The following PHYH variants were observed in gnomAD, a reference collection of about 807,000 sequenced individuals.
PHYH encodes the protein phytanoyl-CoA dioxygenase, peroxisomal.
PHYH carries 32 observed loss-of-function variants against 38.5 expected under a neutral mutation model. The observed-to-expected ratio is 0.83, with a 90% CI of 0.63 to 1.12. The LOEUF is 1.12. Among genes scored for constraint, PHYH ranks in the 50% most tolerant of loss-of-function variants. The pLI is 0.00. For missense variants in PHYH, 426 were observed against 434.8 expected, an observed-to-expected ratio of 0.98 and a Z score of 0.18; for synonymous variants, 166 against 157.9, an observed-to-expected ratio of 1.05 and a Z score of -0.38.
At position 13,281,107 on chromosome 10, in the gene PHYH, T is replaced by C. The variant is rs1835401481; in HGVS notation, c.832A>G (p.Ile278Val). 6.2e-7 allele frequency: 1 copy of C among 1,614,166 alleles called. No homozygotes were observed. The highest frequency in any genetic ancestry group is 1.3e-5 in the African/African-American group (1 of 75,044). Residue 278 changes from isoleucine (I) to valine (V), a missense_variant, in exon 8 of 9, where the codon ATT (isoleucine) becomes GTT (valine). Physicochemically the swap from Ile to Val is conservative, Grantham distance 29. Transcript: ENST00000263038. Reference sequence around the variant, plus strand: ...TCGGCACTGGCGAAATGGCAGGAAATTGCCTGTGCAAAGTGAACAAATTGA... The same window carrying C: ...TCGGCACTGGCGAAATGGCAGGAAACTGCCTGTGCAAAGTGAACAAATTGA... ...QNKTQGFRKAISCHFASADCH... is the reference protein window; with the variant it reads ...QNKTQGFRKAVSCHFASADCH...
chr10:13,285,483 C>T (rs574389896), intron 6 of PHYH, among the ~76,000 whole-genome samples: 84 of 152,232 alleles, frequency 5.5e-4, no homozygotes, highest in African/African-American at 1.9e-3. Context: ...TGTGTCCAGA[C>T]GAGTTAGGAG....
intron 1 of PHYH, among the ~76,000 whole-genome samples, chr10:13,298,718 C>CACCACTACTACT (rs1554785618): frequency 2.0e-3 from 184 of 93,440 alleles, no homozygotes; most frequent in African/African-American, 6.5e-3. Context: ...AAACTACCAC[C>CACCACTACTACT]ACTACTACTA....
intron 8 of PHYH, among the ~76,000 whole-genome samples, chr10:13,280,384 A>G (rs1307581005): frequency 6.6e-6 from 1 of 152,158 alleles, no homozygotes; most frequent in Non-Finnish European, 1.5e-5. Context: ...TCTGTCACCC[A>G]GGCTGGAGTG....
At chr10:13,283,937 A>AT in intron 6 of PHYH, 98 bp from the exon 7 acceptor site, 6 of 1,052,410 alleles carry the variant, frequency 5.7e-6, no homozygotes, top group Non-Finnish European at 9.0e-6. Flanking sequence ...AGGGAAAGAA[A>AT]GCATTTCTCT....
At chr10:13,297,410 G>A (rs1254957283) in intron 2 of PHYH, among the ~76,000 whole-genome samples, 2 of 150,696 alleles carry the variant, frequency 1.3e-5, no homozygotes, top group Non-Finnish European at 2.9e-5. Context: ...AACCAAAGAT[G>A]CTAGCTAATA....
At position 13,294,447 on chromosome 10, in the gene PHYH, C is replaced by T; in HGVS notation, c.395G>A (p.Arg132Lys). 1 of 1,614,148 alleles carries T rather than the reference C, an allele frequency of 6.2e-7. No individual in the cohort carries two copies. The highest frequency in any genetic ancestry group is 8.5e-7 in the Non-Finnish European group (1 of 1,180,028). The change falls in exon 4 of 9, where the codon AGA (arginine) becomes AAA (lysine). Residue 132 changes from arginine to lysine, a missense_variant. Transcript: ENST00000263038. ...QDFQEDKELF[R>K]YCTLPEILKY... is the part of the protein sequence containing the mutation. ...TCTGACCTCGGGGAGAGTGCAGTATCTGAAGAGCTCCTTATCTTCCTGGAA... is the reference window on the plus strand; with the variant it reads ...TCTGACCTCGGGGAGAGTGCAGTATTTGAAGAGCTCCTTATCTTCCTGGAA...
Position 13,288,461 on chromosome 10 carries a change from A to AGGC in PHYH, c.574_576dup (p.Ala192dup), listed in dbSNP as rs2131640741. On this transcript the variant is annotated inframe_insertion, in exon 6 of 9. Coordinates refer to ENST00000263038, the MANE Select transcript of PHYH (RefSeq NM_006214.4). ...CGGCTGATGTGCTCCATCGCCGTCC[A>AGGC]GGCGCAAACGATGAGATCGCTGGGC... 1 of 1,614,240 alleles carries AGGC rather than the reference A, an allele frequency of 6.2e-7. No individual in the cohort carries two copies. Among genetic ancestry groups the AGGC allele is most frequent in the Non-Finnish European group, 8.5e-7 (1 of 1,180,044 alleles).
At chr10:13,298,886 A>C (rs969841478) in intron 1 of PHYH, among the ~76,000 whole-genome samples, 1 of 146,420 alleles carries the variant, frequency 6.8e-6, no homozygotes, top group South Asian at 2.2e-4. Flanking sequence ...GCGGCACTGC[A>C]CTCCAGCCTG....
At chr10:13,298,999 G>T (rs1445400392) in intron 1 of PHYH, among the ~76,000 whole-genome samples, 1 of 149,170 alleles carries the variant, frequency 6.7e-6, no homozygotes, top group African/African-American at 2.5e-5. Flanking sequence ...AATTCGCCTG[G>T]CATCGTGGCG....
chr10:13,284,322 G>A lies in PHYH; in HGVS notation c.679-483C>T, dbSNP rs900946308. 1.3e-4 allele frequency among the ~76,000 whole-genome samples: 19 copies of A among 151,932 alleles called. 1 individual carries two copies. The South Asian group carries it at 2.3e-3, about 18-fold the overall frequency. ...GGACAACAGAGCAAGACTCTGTCTC[G>A]AAAAATAATGGTAATAAAAAAAAAG... On this transcript the variant is annotated intron_variant, in intron 6 of 8. Transcript: ENST00000263038.
intron 1 of PHYH, among the ~76,000 whole-genome samples, chr10:13,298,512 C>T (rs967255864): frequency 2.0e-5 from 3 of 151,944 alleles, no homozygotes; most frequent in Admixed American, 2.0e-4. Flanking sequence ...ACCAGCCTGA[C>T]CAATATGGTG....
At chr10:13,297,411 C>T (rs1169479524) in intron 2 of PHYH, among the ~76,000 whole-genome samples, 1 of 150,418 alleles carries the variant, frequency 6.6e-6, no homozygotes, top group African/African-American at 2.4e-5. Flanking sequence ...ACCAAAGATG[C>T]TAGCTAATAT....
chr10:13,279,204 G>T (rs1328540851), intron 8 of PHYH, among the ~76,000 whole-genome samples: 1 of 151,966 alleles, frequency 6.6e-6, no homozygotes, highest in African/African-American at 2.4e-5. Context: ...CACCATGTTG[G>T]TAAGGCTGGT....
chr10:13,281,429 T>TAATG (rs1474582408), intron 7 of PHYH, among the ~76,000 whole-genome samples: 2 of 151,826 alleles, frequency 1.3e-5, no homozygotes, highest in African/African-American at 2.4e-5. Flanking sequence ...TTTATTTTCC[T>TAATG]AATGAATGAA....
intron 8 of PHYH, among the ~76,000 whole-genome samples, chr10:13,279,914 A>G (rs560679325): frequency 6.6e-6 from 1 of 152,236 alleles, no homozygotes; most frequent in Non-Finnish European, 1.5e-5. Flanking sequence ...ATGCAAAATC[A>G]GAGCATTTTC....
chr10:13,287,843 C>A (rs184256593), intron 6 of PHYH, among the ~76,000 whole-genome samples: 135 of 152,252 alleles, frequency 8.9e-4, no homozygotes, highest in African/African-American at 3.0e-3. Context: ...ATCTCGGATC[C>A]TATACAGTAC....
At chr10:13,285,524 G>A (rs759767434) in intron 6 of PHYH, among the ~76,000 whole-genome samples, 1 of 151,628 alleles carries the variant, frequency 6.6e-6, no homozygotes, top group Non-Finnish European at 1.5e-5. Context: ...ATTTCCTATC[G>A]AACTACAACT....
rs773645633 is a variant in PHYH at position 13,294,418 on chromosome 10, G to A, written c.414+10C>T. 3.1e-6 allele frequency: 5 copies of A among 1,613,458 alleles called. No homozygotes were observed. In the South Asian group the frequency reaches 5.5e-5, roughly 18 times the overall value. On this transcript the variant is annotated intron_variant, in intron 4 of 8. Transcript: ENST00000263038. ...AATTAAGCCGACGCAAAGCAAGGGT[G>A]GTCTCTGACCTCGGGGAGAGTGCAG...
chr10:13,281,663 G>A (rs1199286482), intron 7 of PHYH, among the ~76,000 whole-genome samples: 2 of 152,180 alleles, frequency 1.3e-5, no homozygotes, highest in African/African-American at 4.8e-5. Context: ...CCTTCTGAGG[G>A]TAAGGATGAA....
Sources: gnomAD v4.1 joint callset for allele counts (sites outside exome capture counted in the v4.1 genomes callset) on GRCh38, gnomAD v4.1.1 for gene constraint, MANE v1.5 for transcripts, NCBI Gene and HGNC (gene_info 2026-07-23, HGNC 2026-07-21) for gene names.